CNTNAP2: variants seen among roughly 807,000 people sequenced by gnomAD.
CNTNAP2 encodes the protein contactin-associated protein-like 2.
In CNTNAP2, 98 loss-of-function variants were observed where a neutral mutation model predicts 155.2. The observed-to-expected ratio is 0.63, with a 90% CI of 0.54 to 0.75. The LOEUF is 0.75. CNTNAP2 is among the 30% of genes least tolerant of loss of function. CNTNAP2 has a pLI of 0.00. For missense variants in CNTNAP2, 1,727 were observed against 1,688.1 expected (o/e 1.02, Z -0.40); for synonymous variants, 651 against 631.2 (o/e 1.03, Z -0.47).
intron 1 of CNTNAP2, among the ~76,000 whole-genome samples, chr7:146,156,268 T>G (rs1798124446): frequency 6.6e-6 from 1 of 152,184 alleles, no homozygotes; most frequent in African/African-American, 2.4e-5. Context: ...CTTACATTAG[T>G]GTAACCATGG....
intron 9 of CNTNAP2, among the ~76,000 whole-genome samples, chr7:147,354,802 C>A (rs1019360565): frequency 6.6e-6 from 1 of 151,998 alleles, no homozygotes; most frequent in South Asian, 2.1e-4. Context: ...TGTTTCCTCT[C>A]TTATTTCCTT....
At chr7:147,439,112 G>A (rs780715587) in intron 10 of CNTNAP2, among the ~76,000 whole-genome samples, 2 of 151,534 alleles carry the variant, frequency 1.3e-5, no homozygotes, top group Non-Finnish European at 3.0e-5. Context: ...TTTTACCATT[G>A]ATTTTCTACT....
At chr7:146,529,477 T>G (rs1485208200) in intron 1 of CNTNAP2, among the ~76,000 whole-genome samples, 3 of 152,170 alleles carry the variant, frequency 2.0e-5, no homozygotes, top group Admixed American at 6.5e-5. Flanking sequence ...TTCATCTGAT[T>G]CTCAAGAACA....
chr7:147,121,072 G>C lies in CNTNAP2; in HGVS notation c.848G>C (p.Arg283Pro). The change falls in exon 6 of 24, where the codon CGC (arginine) becomes CCC (proline). Residue 283 changes from arginine to proline, a missense_variant. Coordinates refer to ENST00000361727, the MANE Select transcript of CNTNAP2 (RefSeq NM_014141.6). ...CACTGGCACTCTGTGGTCATTGAGC[G>C]CCAGGGGCGGAGCATTAACCTCACT... ...DHHWHSVVIE[R>P]QGRSINLTLD... 2 of 1,614,078 alleles carry C rather than the reference G, an allele frequency of 1.2e-6. No individual in the cohort carries two copies. The highest frequency in any genetic ancestry group is 8.5e-7 in the Non-Finnish European group (1 of 1,180,002).
At chr7:146,265,785 C>G (rs1799985560) in intron 1 of CNTNAP2, among the ~76,000 whole-genome samples, 1 of 152,082 alleles carries the variant, frequency 6.6e-6, no homozygotes, top group Non-Finnish European at 1.5e-5. Context: ...ATGTAGAATA[C>G]TGAATTCAGT....
At chr7:146,519,118 G>A (rs1259554714) in intron 1 of CNTNAP2, among the ~76,000 whole-genome samples, 3 of 151,842 alleles carry the variant, frequency 2.0e-5, no homozygotes, top group African/African-American at 4.8e-5. Context: ...TGTCATGTCC[G>A]GAGTGCTTGG....
At chr7:148,411,310 G>A (rs1259845196) in intron 23 of CNTNAP2, among the ~76,000 whole-genome samples, 1 of 152,164 alleles carries the variant, frequency 6.6e-6, no homozygotes, top group Non-Finnish European at 1.5e-5. Context: ...CTGTTGCCCA[G>A]GCTGGAGTGC....
At chr7:147,048,982 T>C (rs545251329) in intron 4 of CNTNAP2, among the ~76,000 whole-genome samples, 2 of 152,212 alleles carry the variant, frequency 1.3e-5, no homozygotes, top group Non-Finnish European at 2.9e-5. Flanking sequence ...TGTGTTACTA[T>C]AACAGAATAT....
chr7:146,886,393 G>C (rs888460490), intron 3 of CNTNAP2, among the ~76,000 whole-genome samples: 1 of 151,580 alleles, frequency 6.6e-6, no homozygotes, highest in Non-Finnish European at 1.5e-5. Context: ...TTCTAAAACA[G>C]ACAAAGAAAA....
intron 1 of CNTNAP2, among the ~76,000 whole-genome samples, chr7:146,547,590 T>G (rs943907025): frequency 6.6e-6 from 1 of 152,036 alleles, no homozygotes; most frequent in Admixed American, 6.6e-5. Context: ...TTTGTCTTTC[T>G]GTGACTGGCT....
intron 20 of CNTNAP2, among the ~76,000 whole-genome samples, chr7:148,259,722 G>A (rs1227175638): frequency 2.0e-5 from 3 of 152,258 alleles, no homozygotes; most frequent in East Asian, 1.9e-4. Flanking sequence ...CTCTGCCAAC[G>A]CAAACTGTGG....
intron 15 of CNTNAP2, among the ~76,000 whole-genome samples, chr7:147,986,194 T>C (rs946662923): frequency 2.0e-5 from 3 of 152,178 alleles, no homozygotes; most frequent in African/African-American, 7.2e-5. Flanking sequence ...AGAGGACCAC[T>C]TTCTCTCTGT....
chr7:147,436,573 T>C (rs536213928), intron 10 of CNTNAP2, among the ~76,000 whole-genome samples: 4 of 152,250 alleles, frequency 2.6e-5, no homozygotes, highest in South Asian at 2.1e-4. Flanking sequence ...CAAAGTTACA[T>C]AGGCAAGAGA....
intron 1 of CNTNAP2, among the ~76,000 whole-genome samples, chr7:146,380,959 C>T (rs573572552): frequency 0.014 from 2,076 of 150,804 alleles, 43 homozygotes; most frequent in African/African-American, 0.047. Flanking sequence ...CCACCTCGCC[C>T]GGCTAATTTT....
intron 21 of CNTNAP2, among the ~76,000 whole-genome samples, chr7:148,280,736 C>A (rs113834957): frequency 0.085 from 12,883 of 151,838 alleles, 622 homozygotes; most frequent in African/African-American, 0.13. Context: ...CTAGTCAACA[C>A]GGCAAAACCC....
intron 13 of CNTNAP2, among the ~76,000 whole-genome samples, chr7:147,842,552 C>CTTTTTTTTTTTTTTTTTTTTTTTTTTTT (rs1432119081): frequency 8.0e-6 from 1 of 125,630 alleles, no homozygotes; most frequent in African/African-American, 2.9e-5. Flanking sequence ...ATTTCAGTTG[C>CTTTTTTTTTTTTTTTTTTTTTTTTTTTT]ATTTCTTTTT....
At chr7:147,380,408 A>C (rs1796516118) in intron 9 of CNTNAP2, among the ~76,000 whole-genome samples, 2 of 152,104 alleles carry the variant, frequency 1.3e-5, no homozygotes, top group African/African-American at 4.8e-5. Context: ...TCTTATTTAT[A>C]CCAAGTGCAG....
chr7:147,037,805 T>C (rs1799185646), intron 3 of CNTNAP2, among the ~76,000 whole-genome samples: 1 of 152,208 alleles, frequency 6.6e-6, no homozygotes, highest in African/African-American at 2.4e-5. Context: ...AGACGTTGTT[T>C]TTATTAAATC....
intron 16 of CNTNAP2, among the ~76,000 whole-genome samples, chr7:148,135,533 T>A (rs553486457): frequency 1.1e-4 from 16 of 152,186 alleles, no homozygotes; most frequent in African/African-American, 3.6e-4. Flanking sequence ...AGCCTCAAGC[T>A]GCAGGGCAGC....
Sources: gnomAD v4.1 joint callset for allele counts (sites outside exome capture counted in the v4.1 genomes callset) on GRCh38, gnomAD v4.1.1 for gene constraint, MANE v1.5 for transcripts, NCBI Gene and HGNC (gene_info 2026-07-23, HGNC 2026-07-21) for gene names.